The following ASTN2 variants were observed in gnomAD, a reference collection of about 807,000 sequenced individuals.
ASTN2 encodes astrotactin 2, also known as astrotactin-2.
In ASTN2, 54 loss-of-function variants were observed where a neutral mutation model predicts 139.8. The ratio of observed to expected loss-of-function variants is 0.39; its 90% CI spans 0.31 to 0.48. The LOEUF (loss-of-function observed/expected upper bound fraction) is 0.48, where lower values mean the gene tolerates loss of function less well. Among genes scored for constraint, ASTN2 ranks in the 20% least tolerant of loss-of-function variants. ASTN2 has a pLI of 0.95. For synonymous variants in ASTN2, 756 were observed against 719.5 expected (o/e 1.05, Z -0.81); for missense variants, 1,565 against 1,725.1 (o/e 0.91, Z 1.64).
In ASTN2 at chr9:117,094,944, G is replaced by T. The variant is rs142554075; in HGVS notation, c.1276+1100C>A. Among the ~76,000 whole-genome samples the T allele has an allele frequency of 2.6e-4, 39 of 152,292 alleles. 1 individual carries two copies. The East Asian group carries it at 7.3e-3, about 29-fold the overall frequency. ...CTAAGAGCCAAAGGAGCACACAGAAGTTATGGGGATCTGTGCTTTTGCAGT... is the reference window on the plus strand; with the variant it reads ...CTAAGAGCCAAAGGAGCACACAGAATTTATGGGGATCTGTGCTTTTGCAGT... On this transcript the variant is annotated intron_variant, in intron 5 of 22. Coordinates refer to ENST00000313400, the MANE Select transcript of ASTN2 (RefSeq NM_001365068.1).
intron 19 of ASTN2, among the ~76,000 whole-genome samples, chr9:116,597,347 C>G (rs966323277): frequency 9.1e-6 from 1 of 109,400 alleles, no homozygotes; most frequent in Non-Finnish European, 1.7e-5. Flanking sequence ...TCACTCTTGT[C>G]GCCAGGCTGG....
At chr9:116,518,598 A>G (rs1229013921) in intron 19 of ASTN2, among the ~76,000 whole-genome samples, 1 of 152,144 alleles carries the variant, frequency 6.6e-6, no homozygotes, top group Admixed American at 6.5e-5. Flanking sequence ...CAATAACACA[A>G]TTAAAAAAAG....
At chr9:117,291,303 G>A (rs370206962) in intron 2 of ASTN2, 23 bp downstream of exon 2, 28 of 1,543,566 alleles carry the variant, frequency 1.8e-5, no homozygotes, top group African/African-American at 1.7e-4. Flanking sequence ...CCCCGACCCC[G>A]GTCACATCCC....
At chr9:117,375,055 G>T (rs548315392) in intron 1 of ASTN2, among the ~76,000 whole-genome samples, 1 of 152,062 alleles carries the variant, frequency 6.6e-6, no homozygotes, top group Non-Finnish European at 1.5e-5. Flanking sequence ...GGTTTACTTA[G>T]TTAGTACTAG....
At chr9:116,623,063 G>A (rs964516578) in intron 17 of ASTN2, among the ~76,000 whole-genome samples, 1 of 151,944 alleles carries the variant, frequency 6.6e-6, no homozygotes, top group Non-Finnish European at 1.5e-5. Context: ...TTAACATAAC[G>A]GTGAAACCCA....
chr9:116,652,990 T>C (rs765619750), intron 16 of ASTN2, among the ~76,000 whole-genome samples: 6 of 152,232 alleles, frequency 3.9e-5, no homozygotes, highest in Non-Finnish European at 5.9e-5. Context: ...CATTCTTCAT[T>C]GCCCCAGCCC....
intron 10 of ASTN2, among the ~76,000 whole-genome samples, chr9:116,958,450 G>C (rs914618668): frequency 3.9e-5 from 6 of 152,106 alleles, no homozygotes; most frequent in African/African-American, 1.4e-4. Context: ...TTAGCCGGGC[G>C]TGGCGGCGGG....
intron 1 of ASTN2, among the ~76,000 whole-genome samples, chr9:117,365,291 TAGAAAGAAAA>T (rs1829809395): frequency 9.9e-6 from 1 of 101,112 alleles, no homozygotes; most frequent in Non-Finnish European, 2.2e-5. Flanking sequence ...AAGAAAGAAA[TAGAAAGAAAA>T]AGAAAGAAAG....
At chr9:116,810,293 T>C (rs1361544878) in intron 12 of ASTN2, among the ~76,000 whole-genome samples, 1 of 152,250 alleles carries the variant, frequency 6.6e-6, no homozygotes, top group Non-Finnish European at 1.5e-5. Context: ...TTGGAGGTTA[T>C]TCATGGGCAT....
intron 16 of ASTN2, chr9:116,700,120 C>T (rs1162929536): frequency 3.8e-6 from 1 of 262,560 alleles, no homozygotes; most frequent in East Asian, 1.1e-4. Context: ...ATCTGTGACA[C>T]TTTCTCTTGA....
chr9:117,305,442 C>T (rs1485136608), intron 1 of ASTN2, among the ~76,000 whole-genome samples: 2 of 152,200 alleles, frequency 1.3e-5, no homozygotes, highest in Non-Finnish European at 2.9e-5. Flanking sequence ...TTTTTAAATA[C>T]ATCAGCTCCC....
intron 17 of ASTN2, among the ~76,000 whole-genome samples, chr9:116,628,566 G>T (rs1009820880): frequency 6.6e-6 from 1 of 152,116 alleles, no homozygotes; most frequent in Admixed American, 6.6e-5. Flanking sequence ...GTTTCCAGAG[G>T]TTAGGGAGAA....
chr9:116,886,864 A>G (rs1047604360), intron 10 of ASTN2, among the ~76,000 whole-genome samples: 23 of 152,058 alleles, frequency 1.5e-4, no homozygotes, highest in African/African-American at 5.3e-4. Flanking sequence ...AACAAGGATT[A>G]AAGACTTATG....
At chr9:116,983,834 G>A (rs1300181599) in intron 7 of ASTN2, among the ~76,000 whole-genome samples, 1 of 152,202 alleles carries the variant, frequency 6.6e-6, no homozygotes, top group African/African-American at 2.4e-5. Context: ...GCTGGTCCAT[G>A]AAGGATGAGA....
At chr9:116,933,493 G>A (rs1295225520) in intron 10 of ASTN2, among the ~76,000 whole-genome samples, 1 of 152,160 alleles carries the variant, frequency 6.6e-6, no homozygotes, top group Admixed American at 6.5e-5. Context: ...GCCAAGACAA[G>A]TTTGGATGGG....
chr9:117,184,209 G>C (rs1831142894), intron 3 of ASTN2, among the ~76,000 whole-genome samples: 1 of 152,142 alleles, frequency 6.6e-6, no homozygotes, highest in African/African-American at 2.4e-5. Context: ...CTACCTGACT[G>C]CCCACCCTCT....
intron 19 of ASTN2, among the ~76,000 whole-genome samples, chr9:116,564,055 T>C (rs1311178034): frequency 6.6e-6 from 1 of 152,232 alleles, no homozygotes; most frequent in Admixed American, 6.5e-5. Context: ...AAGATTGATA[T>C]TTTGTCTATT....
At chr9:116,836,570 AGTTTTGTTTT>A (rs59997144) in intron 11 of ASTN2, among the ~76,000 whole-genome samples, 18,668 of 150,382 alleles carry the variant, frequency 0.12, 1,423 homozygotes, top group East Asian at 0.22. Context: ...TAGGGAGAGC[AGTTTTGTTTT>A]GTTTTGTTTT....
intron 13 of ASTN2, among the ~76,000 whole-genome samples, chr9:116,749,537 C>A (rs1829343137): frequency 6.6e-6 from 1 of 152,184 alleles, no homozygotes; most frequent in Admixed American, 6.5e-5. Flanking sequence ...AAGCAATGCT[C>A]CCAGCACCAT....
Sources: allele counts gnomAD v4.1 joint callset (sites outside exome capture counted in the v4.1 genomes callset), GRCh38; gene constraint gnomAD v4.1.1; transcripts MANE v1.5; gene names NCBI Gene and HGNC (gene_info 2026-07-23, HGNC 2026-07-21).